The following SSPN variants were observed in gnomAD, a reference collection of about 807,000 sequenced individuals.
The protein encoded by SSPN is K-ras oncogene-associated protein.
Under a neutral mutation model 19.1 loss-of-function variants are expected in SSPN, and 15 were observed. The observed-to-expected ratio is 0.78, with a 90% confidence interval of 0.52 to 1.21. SSPN has a LOEUF of 1.21. Among genes scored for constraint, SSPN ranks in the 50% most tolerant of loss-of-function variants. SSPN has a pLI of 0.00. For missense variants in SSPN, 291 were observed against 314.0 expected, an observed-to-expected ratio of 0.93 and a Z score of 0.55; for synonymous variants, 147 against 140.3, an observed-to-expected ratio of 1.05 and a Z score of -0.34.
At chr12:26,221,471 C>G (rs1222585932) in intron 1 of SSPN, among the ~76,000 whole-genome samples, 1 of 152,192 alleles carries the variant, frequency 6.6e-6, no homozygotes. Flanking sequence ...TACAATAACA[C>G]AGGGCCTGCT....
chr12:26,226,272 G>A (rs1181267311), intron 2 of SSPN, among the ~76,000 whole-genome samples: 1 of 152,170 alleles, frequency 6.6e-6, no homozygotes, highest in East Asian at 1.9e-4. Context: ...CACTACTGGG[G>A]GGGCGAAGGC....
At chr12:26,201,789 AATTT>A (rs1322017046) in intron 1 of SSPN, among the ~76,000 whole-genome samples, 4 of 152,210 alleles carry the variant, frequency 2.6e-5, no homozygotes, top group African/African-American at 9.6e-5. Flanking sequence ...AAAATAAAAT[AATTT>A]ATTCTCTTAC....
intron 2 of SSPN, among the ~76,000 whole-genome samples, chr12:26,226,988 G>A (rs1182866794): frequency 2.0e-5 from 3 of 152,106 alleles, no homozygotes; most frequent in African/African-American, 7.2e-5. Context: ...AAGCGCCCGG[G>A]GCCACCGCGC....
At chr12:26,201,019 A>ATATATATATATATATATATAT (rs1944873893) in intron 1 of SSPN, among the ~76,000 whole-genome samples, 1 of 44,810 alleles carries the variant, frequency 2.2e-5, no homozygotes, top group African/African-American at 1.2e-4. Context: ...GTGTATATAT[A>ATATATATATATATATATATAT]TATATATATA....
In SSPN at chr12:26,122,132, G is replaced by T. The variant is rs887560316; in HGVS notation, c.-51G>T. 9.0e-6 allele frequency: 14 copies of T among 1,548,696 alleles called. No homozygotes were observed. In the Admixed American group the frequency reaches 2.4e-4, roughly 26 times the overall value. On this transcript the variant is annotated 5_prime_UTR_variant, in exon 1 of 3. Coordinates refer to the SSPN transcript ENST00000538142. The stretch of plus-strand genomic sequence containing the variant: ...CAGAGCTCTCCGGGTTCCCCGGCTC[G>T]CGGGGCCCGGCGAAGGGCAGGTGGG...
chr12:26,168,711 A>G (rs961487076), intron 1 of SSPN, among the ~76,000 whole-genome samples: 3 of 152,216 alleles, frequency 2.0e-5, no homozygotes, highest in African/African-American at 7.2e-5. Flanking sequence ...TGATTCAGAT[A>G]TGAGATGGTG....
At chr12:26,132,998 A>T (rs547555805) in intron 1 of SSPN, among the ~76,000 whole-genome samples, 99 of 152,328 alleles carry the variant, frequency 6.5e-4, no homozygotes, top group Admixed American at 2.2e-3. Context: ...AGACTTAGCT[A>T]ATTTCCTTTG....
upstream of SSPN, among the ~76,000 whole-genome samples, chr12:26,190,961 A>C (rs945058617): frequency 5.3e-5 from 8 of 152,204 alleles, no homozygotes; most frequent in Non-Finnish European, 1.0e-4. Context: ...AAATTACCAT[A>C]GATTCATTTT....
intron 1 of SSPN, chr12:26,124,469 T>C (rs777218183): frequency 2.6e-6 from 4 of 1,566,294 alleles, no homozygotes; most frequent in Admixed American, 3.3e-5. Flanking sequence ...TCAATGGCTC[T>C]AATTAACTAC....
chr12:26,188,231 T>G (rs1463402222), intron 1 of SSPN, among the ~76,000 whole-genome samples: 1 of 152,210 alleles, frequency 6.6e-6, no homozygotes, highest in Non-Finnish European at 1.5e-5. Flanking sequence ...GCTCAGCATC[T>G]GTACTCATAA....
At chr12:26,207,349 A>G (rs970619520) in intron 1 of SSPN, among the ~76,000 whole-genome samples, 1 of 152,200 alleles carries the variant, frequency 6.6e-6, no homozygotes, top group Non-Finnish European at 1.5e-5. Flanking sequence ...CCACTTATCC[A>G]TTCCTAGCTT....
At chr12:26,136,853 T>C (rs1479657581) in intron 1 of SSPN, among the ~76,000 whole-genome samples, 2 of 152,232 alleles carry the variant, frequency 1.3e-5, no homozygotes, top group Non-Finnish European at 2.9e-5. Context: ...AGACAGCTCC[T>C]CTGAGAGCTG....
At chr12:26,140,474 T>C (rs1467009302) in intron 1 of SSPN, among the ~76,000 whole-genome samples, 2 of 152,208 alleles carry the variant, frequency 1.3e-5, no homozygotes, top group African/African-American at 4.8e-5. Context: ...ATTGGGACTA[T>C]TGAGAGAGTG....
At chr12:26,173,948 A>G (rs539820063) in intron 1 of SSPN, among the ~76,000 whole-genome samples, 1 of 152,346 alleles carries the variant, frequency 6.6e-6, no homozygotes, top group Admixed American at 6.5e-5. Context: ...ATTTGCAGCC[A>G]TCTCCAAAAC....
At chr12:26,123,940 A>C in intron 1 of SSPN, 1 of 780,578 alleles carries the variant, frequency 1.3e-6, no homozygotes, top group South Asian at 1.5e-5. Flanking sequence ...GTTTGCGGGA[A>C]ACTCTGTACG....
chr12:26,126,079 T>C (rs1944361908), intron 1 of SSPN: 4 of 152,182 alleles, frequency 2.6e-5, no homozygotes, highest in Admixed American at 6.5e-5. Context: ...CTGCCGCTGC[T>C]GCCACATCAC....
intron 1 of SSPN, chr12:26,179,919 C>CTTTTTTTTTTTTTTTTTTTTTT (rs10591596): frequency 2.9e-5 from 2 of 68,268 alleles, no homozygotes; most frequent in Admixed American, 2.1e-4. Flanking sequence ...TTTAGCTAGG[C>CTTTTTTTTTTTTTTTTTTTTTT]TTTTTTTTTT....
intron 1 of SSPN, among the ~76,000 whole-genome samples, chr12:26,206,449 T>A (rs1219036187): frequency 6.6e-6 from 1 of 152,206 alleles, no homozygotes; most frequent in African/African-American, 2.4e-5. Context: ...ACTGTATAAT[T>A]TCTATGCACT....
exon 1 of SSPN, chr12:26,122,119 G>C: frequency 6.5e-7 from 1 of 1,549,418 alleles, no homozygotes. Context: ...GAGCTCTCCG[G>C]GTTCCCCGGC....
Sources: gnomAD v4.1 joint callset for allele counts (sites outside exome capture counted in the v4.1 genomes callset) on GRCh38, gnomAD v4.1.1 for gene constraint, MANE v1.5 for transcripts, NCBI Gene and HGNC (gene_info 2026-07-23, HGNC 2026-07-21) for gene names.